The following MYO16 variants were observed in gnomAD, a reference collection of about 807,000 sequenced individuals.
MYO16 encodes myosin XVI.
Under a neutral mutation model 205.3 loss-of-function variants are expected in MYO16, and 94 were observed. The observed-to-expected ratio is 0.46, with a 90% confidence interval of 0.39 to 0.54. The LOEUF (loss-of-function observed/expected upper bound fraction) is 0.54. MYO16 is among the 20% of genes least tolerant of loss of function. The probability of loss-of-function intolerance (pLI) is 0.00; values close to 1 mark genes in which losing one functional copy is unlikely to be tolerated. For missense variants in MYO16, 2,315 were observed against 2,387.5 expected (o/e 0.97, Z 0.63); for synonymous variants, 988 against 954.0 (o/e 1.04, Z -0.66).
intron 31 of MYO16, among the ~76,000 whole-genome samples, chr13:109,137,000 C>A (rs1267554992): frequency 6.6e-6 from 1 of 152,188 alleles, no homozygotes; most frequent in East Asian, 1.9e-4. Flanking sequence ...GAGCAGTTCT[C>A]AAGGAGCCTC....
chr13:108,649,238 G>A (rs904490907), intron 1 of MYO16, among the ~76,000 whole-genome samples: 4 of 152,092 alleles, frequency 2.6e-5, no homozygotes, highest in Non-Finnish European at 5.9e-5. Flanking sequence ...AAAAATTCCA[G>A]TGTCCATTTA....
chr13:108,985,040 T>A (rs1267379535), intron 20 of MYO16, among the ~76,000 whole-genome samples: 2 of 152,224 alleles, frequency 1.3e-5, no homozygotes, highest in Non-Finnish European at 2.9e-5. Context: ...CATCTTCATA[T>A]AAGTTTTCAT....
chr13:108,870,816 A>G (rs1282202889), intron 12 of MYO16, among the ~76,000 whole-genome samples: 1 of 151,950 alleles, frequency 6.6e-6, no homozygotes, highest in East Asian at 1.9e-4. Flanking sequence ...TATGTTGTAT[A>G]GATATATCCT....
chr13:109,167,660 A>C (rs1275565027), intron 33 of MYO16, among the ~76,000 whole-genome samples: 2 of 152,194 alleles, frequency 1.3e-5, no homozygotes, highest in Admixed American at 1.3e-4. Context: ...GCAAAGCCTA[A>C]GTAGGATACA....
In MYO16 at chr13:109,141,801, C is replaced by T. The variant is rs1203945921; in HGVS notation, c.5164+425C>T. ...AGTTCACAGCTAATCCCCGAGCGTG[C>T]GGTTTGCCATCCATCTAGCTTTGCC... On this transcript the variant is annotated intron_variant, in intron 32 of 34. Coordinates refer to ENST00000457511, the MANE Select transcript of MYO16 (RefSeq NM_001198950.3). The surrounding 1 kb of genome is among the most constrained non-coding windows in gnomAD (Gnocchi z 4.1). 2.0e-5 allele frequency among the ~76,000 whole-genome samples: 3 copies of T among 152,168 alleles called. No homozygotes were observed. The highest frequency in any genetic ancestry group is 4.4e-5 in the Non-Finnish European group (3 of 68,036).
At chr13:108,736,832 A>G (rs1884719759) in intron 4 of MYO16, among the ~76,000 whole-genome samples, 1 of 152,158 alleles carries the variant, frequency 6.6e-6, no homozygotes, top group African/African-American at 2.4e-5. Flanking sequence ...AGTGGTTTGT[A>G]GTTCTCCTTG....
chr13:108,855,311 A>G, intron 10 of MYO16, 132 bp from the exon 11 acceptor site: 1 of 424,676 alleles, frequency 2.4e-6, no homozygotes, highest in Admixed American at 4.0e-5. Context: ...GAACCATTTC[A>G]TCTCTTAATA....
rs1294345934 is a variant in MYO16, at chr13:109,127,530, C to G, written c.4031C>G (p.Ala1344Gly). The G allele has an allele frequency of 6.2e-7, 1 of 1,611,336 alleles. No homozygotes were observed. Among genetic ancestry groups the G allele is most frequent in the Non-Finnish European group, 8.5e-7 (1 of 1,179,814 alleles). ...GCTGTGAGCGCCTGCCTCTCCGCGG[C>G]CAGGGAAGCGGCCAACGAAGGTCAG... ...YEAVSACLSA[A>G]REAANEALAR... The change falls in exon 31 of 35, where the codon GCC becomes GGC. Residue 1344 changes from alanine (A) to glycine (G), a missense_variant. Physicochemically the swap from Ala to Gly is moderately conservative, Grantham distance 60. Coordinates refer to ENST00000457511, the MANE Select transcript of MYO16 (RefSeq NM_001198950.3). This position sits in a 1 kb window ranked among gnomAD's most constrained non-coding sequence, Gnocchi z 4.2.
chr13:108,910,476 A>G (rs1201636991), intron 16 of MYO16, among the ~76,000 whole-genome samples: 7 of 152,226 alleles, frequency 4.6e-5, no homozygotes, highest in Non-Finnish European at 7.3e-5. Context: ...TTTTGAGATA[A>G]TGGGCAATGT....
chr13:109,077,789 A>G (rs1888156399), intron 27 of MYO16, among the ~76,000 whole-genome samples: 2 of 152,144 alleles, frequency 1.3e-5, no homozygotes, highest in South Asian at 4.1e-4. Flanking sequence ...TCTTGTGCTT[A>G]AGCTTCATCA....
At chr13:109,065,972 G>A (rs1190218592) in intron 27 of MYO16, among the ~76,000 whole-genome samples, 1 of 152,206 alleles carries the variant, frequency 6.6e-6, no homozygotes, top group Non-Finnish European at 1.5e-5. Flanking sequence ...TGCTTGGCAT[G>A]GTGAGGGACC....
chr13:108,879,233 C>A lies in MYO16; in HGVS notation c.1426-3826C>A, dbSNP rs114511563. ...TGTGTTCTTTTATGTATCTCACACT[C>A]AACATTGTGAGATTCATCCAGTTAA... On this transcript the variant is annotated intron_variant, in intron 12 of 34. Transcript: ENST00000457511. Among the ~76,000 whole-genome samples, 770 of 152,272 alleles carry A rather than the reference C, an allele frequency of 5.1e-3. 5 individuals carry two copies. Among genetic ancestry groups the A allele is most frequent in the African/African-American group, 0.018 (747 of 41,556 alleles).
chr13:109,048,153 ATGTGTGTGTGTGTGTG>A (rs34750704), intron 24 of MYO16, among the ~76,000 whole-genome samples: 1,864 of 141,178 alleles, frequency 0.013, 37 homozygotes, highest in African/African-American at 0.041. Flanking sequence ...TTAATAGGAT[ATGTGTGTGTGTGTGTG>A]TGTGTGTGTG....
At chr13:108,764,135 C>T (rs971755819) in intron 4 of MYO16, among the ~76,000 whole-genome samples, 2 of 152,110 alleles carry the variant, frequency 1.3e-5, no homozygotes, top group Admixed American at 6.5e-5. Context: ...ACTGCAGCCT[C>T]AGCACAAACA....
the MYO16 span, among the ~76,000 whole-genome samples, chr13:108,586,753 G>A: frequency 6.6e-6 from 1 of 152,218 alleles, no homozygotes; most frequent in Admixed American, 6.5e-5. Context: ...TTCTTATGCT[G>A]AATCTCAGAG....
At chr13:109,112,899 G>T (rs1566512025) in intron 28 of MYO16, among the ~76,000 whole-genome samples, 1 of 152,134 alleles carries the variant, frequency 6.6e-6, no homozygotes, top group East Asian at 1.9e-4. Flanking sequence ...TGTGAATTAT[G>T]AGCTTTATAC....
chr13:108,643,370 G>A (rs1880596538), intron 1 of MYO16, among the ~76,000 whole-genome samples: 1 of 152,146 alleles, frequency 6.6e-6, no homozygotes, highest in Non-Finnish European at 1.5e-5. Context: ...TCGGTGGTGT[G>A]GATGCGCCAT....
chr13:109,117,492 G>GTAATA (rs1875777062), intron 28 of MYO16, among the ~76,000 whole-genome samples: 1 of 147,164 alleles, frequency 6.8e-6, no homozygotes, highest in Non-Finnish European at 1.5e-5. Flanking sequence ...GTATATATAT[G>GTAATA]TAATATATAT....
At chr13:108,722,787 C>A (rs933548431) in intron 3 of MYO16, among the ~76,000 whole-genome samples, 5 of 152,156 alleles carry the variant, frequency 3.3e-5, no homozygotes, top group Admixed American at 1.3e-4. Flanking sequence ...CTGTGCCACT[C>A]ACCTTCTGTG....
Sources: allele counts gnomAD v4.1 joint callset (sites outside exome capture counted in the v4.1 genomes callset), GRCh38; gene constraint gnomAD v4.1.1; non-coding constraint Gnocchi (gnomAD v3.1); transcripts MANE v1.5; gene names NCBI Gene and HGNC (gene_info 2026-07-23, HGNC 2026-07-21).